The following HS6ST3 variants were observed in gnomAD, a reference collection of about 807,000 sequenced individuals.
The protein encoded by HS6ST3 is heparan-sulfate 6-O-sulfotransferase 3.
Under a neutral mutation model 36.7 loss-of-function variants are expected in HS6ST3, and 12 were observed. The observed-to-expected ratio is 0.33, with a 90% confidence interval of 0.21 to 0.53. HS6ST3 has a LOEUF of 0.53. Among genes scored for constraint, HS6ST3 ranks in the 20% least tolerant of loss-of-function variants. The probability of loss-of-function intolerance (pLI) is 0.95; values close to 1 mark genes in which losing one functional copy is unlikely to be tolerated. For missense variants in HS6ST3, 584 were observed against 640.9 expected (o/e 0.91, Z 0.96); for synonymous variants, 240 against 257.5 (o/e 0.93, Z 0.65).
chr13:96,334,404 C>T (rs907778129), intron 1 of HS6ST3, among the ~76,000 whole-genome samples: 1 of 152,164 alleles, frequency 6.6e-6, no homozygotes, highest in Non-Finnish European at 1.5e-5. Flanking sequence ...AAGCAGATGC[C>T]AGCATTATAC....
intron 1 of HS6ST3, among the ~76,000 whole-genome samples, chr13:96,374,286 TTTTTA>T (rs1470438280): frequency 2.6e-5 from 4 of 152,228 alleles, no homozygotes; most frequent in African/African-American, 9.6e-5. Flanking sequence ...AATTGGGACA[TTTTTA>T]TAATACTAAT....
chr13:96,434,742 A>T (rs748436590), intron 1 of HS6ST3, among the ~76,000 whole-genome samples: 1 of 151,822 alleles, frequency 6.6e-6, no homozygotes, highest in Non-Finnish European at 1.5e-5. Flanking sequence ...CTTTATCTTG[A>T]TTGCTTTTAT....
At chr13:96,818,246 C>T (rs1259051952) in intron 1 of HS6ST3, among the ~76,000 whole-genome samples, 2 of 152,156 alleles carry the variant, frequency 1.3e-5, no homozygotes, top group African/African-American at 2.4e-5. Flanking sequence ...AAATGTCTGT[C>T]GTTGCTTTAT....
intron 1 of HS6ST3, among the ~76,000 whole-genome samples, chr13:96,793,597 T>G (rs1429286352): frequency 6.6e-6 from 1 of 152,088 alleles, no homozygotes; most frequent in Non-Finnish European, 1.5e-5. Context: ...GCACGTTATT[T>G]CTCTGCATCC....
intron 1 of HS6ST3, among the ~76,000 whole-genome samples, chr13:96,526,842 AC>A (rs1159512844): frequency 1.3e-5 from 2 of 152,180 alleles, no homozygotes; most frequent in Non-Finnish European, 2.9e-5. Context: ...TGGCTGCTGA[AC>A]ACTTGAAATG....
intron 1 of HS6ST3, among the ~76,000 whole-genome samples, chr13:96,575,483 A>C (rs1227952552): frequency 2.0e-5 from 3 of 152,346 alleles, no homozygotes; most frequent in Admixed American, 2.0e-4. Flanking sequence ...TTTTCTTTTC[A>C]GGCAGACATC....
intron 1 of HS6ST3, among the ~76,000 whole-genome samples, chr13:96,248,206 A>G (rs1333475209): frequency 6.6e-6 from 1 of 152,190 alleles, no homozygotes; most frequent in African/African-American, 2.4e-5. Context: ...CTGTACCAAC[A>G]AAAACCTTTT....
chr13:96,599,362 G>A (rs566226797), intron 1 of HS6ST3, among the ~76,000 whole-genome samples: 5 of 152,010 alleles, frequency 3.3e-5, no homozygotes, highest in African/African-American at 1.2e-4. Context: ...CCTGATTCAG[G>A]CTTGGAAGAT....
intron 1 of HS6ST3, among the ~76,000 whole-genome samples, chr13:96,352,091 T>C (rs1029535293): frequency 6.6e-6 from 1 of 152,212 alleles, no homozygotes; most frequent in East Asian, 1.9e-4. Flanking sequence ...TTCAATAATA[T>C]GAGGAGGTCC....
intron 1 of HS6ST3, among the ~76,000 whole-genome samples, chr13:96,412,302 C>T (rs180906223): frequency 6.6e-5 from 10 of 152,212 alleles, no homozygotes; most frequent in Admixed American, 4.6e-4. Flanking sequence ...TGCACCTGGC[C>T]GTGCCTGATA....
intron 1 of HS6ST3, among the ~76,000 whole-genome samples, chr13:96,263,213 C>T: frequency 6.6e-6 from 1 of 152,252 alleles, no homozygotes; most frequent in East Asian, 1.9e-4. Flanking sequence ...GGTGACATGT[C>T]ACTTATCTTT....
At chr13:96,223,653 TG>T (rs5805956) in intron 1 of HS6ST3, among the ~76,000 whole-genome samples, 8,343 of 147,764 alleles carry the variant, frequency 0.056, 327 homozygotes, top group Admixed American at 0.13. Context: ...GGAATGGATA[TG>T]GGGGGGGGGA....
At chr13:96,127,457 G>A (rs2053957196) in intron 1 of HS6ST3, among the ~76,000 whole-genome samples, 1 of 152,200 alleles carries the variant, frequency 6.6e-6, no homozygotes, top group African/African-American at 2.4e-5. Flanking sequence ...TGCTGATCTG[G>A]CAGGAGGCAG....
chr13:96,472,068 C>T (rs1413978433), intron 1 of HS6ST3, among the ~76,000 whole-genome samples: 1 of 152,130 alleles, frequency 6.6e-6, no homozygotes, highest in African/African-American at 2.4e-5. Flanking sequence ...TAGCAGCTGT[C>T]ACTACCACCC....
chr13:96,663,967 C>T (rs2056655122), intron 1 of HS6ST3, among the ~76,000 whole-genome samples: 1 of 151,938 alleles, frequency 6.6e-6, no homozygotes, highest in African/African-American at 2.4e-5. Context: ...GTTGCCTGGG[C>T]TTGGAGGTTG....
At chr13:96,446,138 A>G (rs975164221) in intron 1 of HS6ST3, among the ~76,000 whole-genome samples, 11 of 150,970 alleles carry the variant, frequency 7.3e-5, no homozygotes, top group Non-Finnish European at 1.6e-4. Context: ...ACACCACTGC[A>G]CTCCAGCCTG....
At chr13:96,829,051 T>G (rs1216055435) in intron 1 of HS6ST3, among the ~76,000 whole-genome samples, 1 of 152,202 alleles carries the variant, frequency 6.6e-6, no homozygotes, top group East Asian at 1.9e-4. Flanking sequence ...CTACTGAGCT[T>G]CTTATTCTCT....
At chr13:96,228,583 AT>A (rs1011524693) in intron 1 of HS6ST3, among the ~76,000 whole-genome samples, 1 of 151,974 alleles carries the variant, frequency 6.6e-6, no homozygotes, top group Non-Finnish European at 1.5e-5. Context: ...AATATTCTTT[AT>A]TTTTTTATGC....
chr13:96,247,083 T>C (rs993866878), intron 1 of HS6ST3, among the ~76,000 whole-genome samples: 2 of 152,134 alleles, frequency 1.3e-5, no homozygotes, highest in African/African-American at 4.8e-5. Context: ...GAGAGCTACA[T>C]TGTGGAAAGC....
Sources: allele counts gnomAD v4.1 joint callset (sites outside exome capture counted in the v4.1 genomes callset), GRCh38; gene constraint gnomAD v4.1.1; transcripts MANE v1.5; gene names NCBI Gene and HGNC (gene_info 2026-07-23, HGNC 2026-07-21).